SYNPR: variants seen among roughly 807,000 people sequenced by gnomAD.
The protein encoded by SYNPR is synaptoporin.
SYNPR carries 23 observed loss-of-function variants against 32.9 expected under a neutral mutation model. The observed-to-expected ratio is 0.70, with a 90% confidence interval of 0.50 to 0.99. SYNPR has a LOEUF of 0.99. Among genes scored for constraint, SYNPR ranks in the 50% least tolerant of loss-of-function variants. SYNPR has a pLI of 0.00. For missense variants in SYNPR, 318 were observed against 349.3 expected, an observed-to-expected ratio of 0.91 and a Z score of 0.71; for synonymous variants, 146 against 135.9, an observed-to-expected ratio of 1.07 and a Z score of -0.52.
At chr3:63,472,070 C>G (rs1364630618) in intron 2 of SYNPR, among the ~76,000 whole-genome samples, 1 of 152,186 alleles carries the variant, frequency 6.6e-6, no homozygotes, top group African/African-American at 2.4e-5. Flanking sequence ...CGTGAGCTAC[C>G]ACCTGCAGCA....
At chr3:63,259,801 A>G (rs1163957939) in intron 2 of SYNPR, among the ~76,000 whole-genome samples, 1 of 152,204 alleles carries the variant, frequency 6.6e-6, no homozygotes, top group Admixed American at 6.5e-5. Flanking sequence ...TTTGCCGATG[A>G]CATGATTGTA....
intron 5 of SYNPR, among the ~76,000 whole-genome samples, chr3:63,612,842 G>A (rs948704599): frequency 2.0e-5 from 3 of 151,870 alleles, no homozygotes; most frequent in African/African-American, 7.3e-5. Context: ...ACAGAGCCAT[G>A]ACTGAAAAGA....
At chr3:63,226,548 C>T (rs1470953263), upstream of SYNPR, among the ~76,000 whole-genome samples, 3 of 152,048 alleles carry the variant, frequency 2.0e-5, no homozygotes, top group African/African-American at 7.2e-5. Context: ...ATGTCATTTG[C>T]AGAAACATGG....
At chr3:63,382,989 AC>A (rs2087992243) in intron 2 of SYNPR, among the ~76,000 whole-genome samples, 1 of 152,170 alleles carries the variant, frequency 6.6e-6, no homozygotes, top group African/African-American at 2.4e-5. Flanking sequence ...AGAACTAGAG[AC>A]TTGATTTACT....
intron 1 of SYNPR, 54 bp from the exon 2 acceptor site, chr3:63,278,623 C>T (rs949941079): frequency 6.4e-7 from 1 of 1,550,772 alleles, no homozygotes; most frequent in East Asian, 2.4e-5. Context: ...GGAGAGGCGC[C>T]CCCAGCCCCT....
intron 4 of SYNPR, among the ~76,000 whole-genome samples, chr3:63,591,097 A>T (rs1703292981): frequency 6.6e-6 from 1 of 150,588 alleles, no homozygotes; most frequent in South Asian, 2.2e-4. Flanking sequence ...AATGAACTCA[A>T]ACAAATTTAC....
intron 2 of SYNPR, among the ~76,000 whole-genome samples, chr3:63,447,357 A>G (rs905913028): frequency 6.6e-6 from 1 of 152,218 alleles, no homozygotes; most frequent in African/African-American, 2.4e-5. Flanking sequence ...CATCTTGCCT[A>G]TGTTTCAACC....
chr3:63,392,840 A>C (rs571612813), intron 2 of SYNPR, among the ~76,000 whole-genome samples: 1 of 152,272 alleles, frequency 6.6e-6, no homozygotes, highest in African/African-American at 2.4e-5. Flanking sequence ...TTGGAAAAAA[A>C]CTGCACTGAA....
At chr3:63,207,425 T>C in the SYNPR span, among the ~76,000 whole-genome samples, 5 of 152,202 alleles carry the variant, frequency 3.3e-5, no homozygotes, top group Admixed American at 6.5e-5. Flanking sequence ...GACTAGCTCA[T>C]GAAGGTATTG....
intron 2 of SYNPR, among the ~76,000 whole-genome samples, chr3:63,254,209 C>G (rs1179941471): frequency 6.6e-6 from 1 of 152,012 alleles, no homozygotes; most frequent in East Asian, 1.9e-4. Context: ...AGGAGATATA[C>G]CTAATGTTAA....
At chr3:63,288,390 A>G (rs1216090245) in intron 2 of SYNPR, among the ~76,000 whole-genome samples, 1 of 152,196 alleles carries the variant, frequency 6.6e-6, no homozygotes, top group African/African-American at 2.4e-5. Context: ...TACTTCTTTT[A>G]TTGAAGTAGC....
At chr3:63,505,984 CTGT>C (rs939297283) in intron 3 of SYNPR, among the ~76,000 whole-genome samples, 53 of 152,246 alleles carry the variant, frequency 3.5e-4, no homozygotes, top group African/African-American at 1.3e-3. Flanking sequence ...ATAGCTCTGT[CTGT>C]TGTTCTGGAC....
intron 2 of SYNPR, among the ~76,000 whole-genome samples, chr3:63,299,300 AG>A (rs2106939548): frequency 6.6e-6 from 1 of 152,226 alleles, no homozygotes; most frequent in South Asian, 2.1e-4. Flanking sequence ...TCATTATTCC[AG>A]CCCTTTTTAT....
At chr3:63,437,266 G>T (rs1347847941) in intron 2 of SYNPR, among the ~76,000 whole-genome samples, 1 of 152,120 alleles carries the variant, frequency 6.6e-6, no homozygotes, top group African/African-American at 2.4e-5. Context: ...CTGGCAAAGG[G>T]TATCACTCTC....
chr3:63,379,140 T>C (rs997520328), intron 2 of SYNPR, among the ~76,000 whole-genome samples: 14 of 152,202 alleles, frequency 9.2e-5, no homozygotes, highest in African/African-American at 3.1e-4. Flanking sequence ...ATTGAATTTC[T>C]AGTTTGGTTT....
intron 2 of SYNPR, among the ~76,000 whole-genome samples, chr3:63,420,124 T>G (rs940363063): frequency 1.3e-5 from 2 of 152,146 alleles, no homozygotes; most frequent in Admixed American, 6.5e-5. Context: ...AGATTCAATA[T>G]TGTAAAGATG....
At chr3:63,229,378 C>T (rs921474780) in intron 1 of SYNPR, among the ~76,000 whole-genome samples, 5 of 151,960 alleles carry the variant, frequency 3.3e-5, no homozygotes, top group African/African-American at 4.8e-5. Context: ...TGCATGAGAC[C>T]GTTAGGATGA....
intron 3 of SYNPR, among the ~76,000 whole-genome samples, chr3:63,551,735 C>T (rs1453215400): frequency 1.3e-5 from 2 of 152,076 alleles, no homozygotes; most frequent in African/African-American, 4.8e-5. Context: ...GGAATCTTAC[C>T]TTGGCTACCC....
At chr3:63,551,472 A>T (rs1169229216) in intron 3 of SYNPR, among the ~76,000 whole-genome samples, 1 of 152,190 alleles carries the variant, frequency 6.6e-6, no homozygotes, top group Non-Finnish European at 1.5e-5. Flanking sequence ...TGATAACTCT[A>T]TATTTAACCA....
Sources: gnomAD v4.1 joint callset for allele counts (sites outside exome capture counted in the v4.1 genomes callset) on GRCh38, gnomAD v4.1.1 for gene constraint, MANE v1.5 for transcripts, NCBI Gene and HGNC (gene_info 2026-07-23, HGNC 2026-07-21) for gene names.